Variants in ELMO1 observed in about 807,000 individuals in gnomAD.
ELMO1 encodes engulfment and cell motility 1, also known as engulfment and cell motility protein 1.
Under a neutral mutation model 98.9 loss-of-function variants are expected in ELMO1, and 26 were observed. The ratio of observed to expected loss-of-function variants is 0.26; its 90% CI spans 0.19 to 0.36. The LOEUF (loss-of-function observed/expected upper bound fraction) is 0.36. ELMO1 is among the 10% of genes least tolerant of loss of function. The pLI is 1.00. For synonymous variants in ELMO1, 346 were observed against 346.0 expected (o/e 1.00, Z 0.00); for missense variants, 627 against 935.2 (o/e 0.67, Z 4.30).
At chr7:37,022,834 T>TTGAAA (rs1794348639) in intron 15 of ELMO1, among the ~76,000 whole-genome samples, 1 of 152,176 alleles carries the variant, frequency 6.6e-6, no homozygotes, top group South Asian at 2.1e-4. Flanking sequence ...AATCTAAATG[T>TTGAAA]CCATCCAGCA....
intron 16 of ELMO1, among the ~76,000 whole-genome samples, chr7:36,998,093 T>C (rs536448075): frequency 1.8e-4 from 27 of 152,046 alleles, no homozygotes; most frequent in African/African-American, 6.3e-4. Flanking sequence ...AAAGGAATGA[T>C]TTTGGTATAT....
At chr7:37,440,341 C>G (rs932900912) in intron 1 of ELMO1, among the ~76,000 whole-genome samples, 1 of 151,574 alleles carries the variant, frequency 6.6e-6, no homozygotes, top group African/African-American at 2.4e-5. Context: ...ACTGGGGAGG[C>G]TGAGGCAGAA....
intron 13 of ELMO1, chr7:37,204,243 G>C (rs1180718278): frequency 2.2e-6 from 1 of 455,424 alleles, no homozygotes; most frequent in South Asian, 1.6e-5. Flanking sequence ...CTCACAGTGA[G>C]TGTTACAGTT....
intron 16 of ELMO1, among the ~76,000 whole-genome samples, chr7:37,008,951 C>T (rs572524561): frequency 9.2e-5 from 14 of 152,292 alleles, no homozygotes; most frequent in East Asian, 3.9e-4. Flanking sequence ...TGCGGTTGGC[C>T]GGTGGGATAA....
intron 19 of ELMO1, among the ~76,000 whole-genome samples, chr7:36,876,669 C>T (rs763991419): frequency 6.6e-5 from 10 of 152,004 alleles, no homozygotes; most frequent in Admixed American, 3.9e-4. Context: ...CCAGGGACCA[C>T]GTTTAGAGAA....
chr7:37,373,130 G>A (rs148436241), intron 1 of ELMO1, among the ~76,000 whole-genome samples: 112 of 152,310 alleles, frequency 7.4e-4, no homozygotes, highest in African/African-American at 2.3e-3. Flanking sequence ...AGCAGGAGAC[G>A]GAATCAGGTG....
chr7:37,143,237 A>G (rs968076970), intron 13 of ELMO1, among the ~76,000 whole-genome samples: 1 of 152,042 alleles, frequency 6.6e-6, no homozygotes, highest in Non-Finnish European at 1.5e-5. Context: ...GCTTGCCCAA[A>G]GTTTCAGAGC....
chr7:37,060,393 G>A (rs904015403), intron 15 of ELMO1, among the ~76,000 whole-genome samples: 1 of 152,020 alleles, frequency 6.6e-6, no homozygotes, highest in Non-Finnish European at 1.5e-5. Context: ...TATCCTGAGT[G>A]AATTAACCCA....
At chr7:37,406,195 G>C (rs1803750832) in intron 1 of ELMO1, among the ~76,000 whole-genome samples, 1 of 152,020 alleles carries the variant, frequency 6.6e-6, no homozygotes, top group Non-Finnish European at 1.5e-5. Flanking sequence ...CTTCTTGTTA[G>C]TGAAAATAAA....
intron 13 of ELMO1, among the ~76,000 whole-genome samples, chr7:37,160,192 G>A (rs1490577154): frequency 6.6e-6 from 1 of 152,156 alleles, no homozygotes. Context: ...CTGTATGCTG[G>A]TATGTAAAAG....
intron 16 of ELMO1, among the ~76,000 whole-genome samples, chr7:36,900,415 G>A (rs545189038): frequency 6.6e-6 from 1 of 152,304 alleles, no homozygotes; most frequent in East Asian, 1.9e-4. Flanking sequence ...CAATGTCAAA[G>A]GCTTTTAGGC....
chr7:37,163,230 G>C (rs181273295), intron 13 of ELMO1, among the ~76,000 whole-genome samples: 5 of 152,196 alleles, frequency 3.3e-5, no homozygotes, highest in Admixed American at 3.3e-4. Context: ...ACAAATGTTT[G>C]AGTTATTATG....
intron 6 of ELMO1, among the ~76,000 whole-genome samples, chr7:37,254,237 C>A (rs1795518915): frequency 6.6e-6 from 1 of 152,096 alleles, no homozygotes; most frequent in Non-Finnish European, 1.5e-5. Context: ...CAAAGATGAC[C>A]CTGAGAGACA....
intron 5 of ELMO1, among the ~76,000 whole-genome samples, chr7:37,266,570 G>T (rs1352911325): frequency 6.6e-6 from 1 of 151,984 alleles, no homozygotes; most frequent in African/African-American, 2.4e-5. Flanking sequence ...TTATAATAGG[G>T]TTCACAAAAA....
chr7:36,970,544 A>T (rs1405385306), intron 16 of ELMO1, among the ~76,000 whole-genome samples: 1 of 152,146 alleles, frequency 6.6e-6, no homozygotes, highest in Non-Finnish European at 1.5e-5. Flanking sequence ...GTTTTCTAAG[A>T]TCCCTGAGAG....
At chr7:37,390,787 G>A (rs1439110791) in intron 1 of ELMO1, among the ~76,000 whole-genome samples, 1 of 152,184 alleles carries the variant, frequency 6.6e-6, no homozygotes, top group Non-Finnish European at 1.5e-5. Flanking sequence ...TATCCACCAG[G>A]TGTTGAGGGC....
At chr7:37,370,222 G>A (rs1297130006) in intron 1 of ELMO1, among the ~76,000 whole-genome samples, 2 of 152,140 alleles carry the variant, frequency 1.3e-5, no homozygotes, top group Non-Finnish European at 2.9e-5. Context: ...TAACTTGTCT[G>A]CAGCTACTAT....
chr7:37,211,494 T>C lies in ELMO1; in HGVS notation c.978A>G (p.Glu326=), dbSNP rs1441856293. 1.2e-6 allele frequency: 2 copies of C among 1,613,978 alleles called. No homozygotes were observed. The highest frequency in any genetic ancestry group is 8.5e-7 in the Non-Finnish European group (1 of 1,179,928). ...QDQAQRDIIF[E]LRRIAFDAES... ...CAGCATCAAAAGCAATTCTTCGAAGTTCAAATATGATGTCCCTCTGAGCCT... is the reference window on the plus strand; with the variant it reads ...CAGCATCAAAAGCAATTCTTCGAAGCTCAAATATGATGTCCCTCTGAGCCT... Residue 326 remains glutamate, a synonymous_variant, in exon 13 of 22, where the codon GAA becomes GAG. Transcript: ENST00000310758.
intron 16 of ELMO1, among the ~76,000 whole-genome samples, chr7:36,952,417 G>T (rs1414171322): frequency 6.6e-6 from 1 of 152,178 alleles, no homozygotes. Context: ...AGCAAGCGGG[G>T]CGGGGAGACG....
Sources: allele counts gnomAD v4.1 joint callset (sites outside exome capture counted in the v4.1 genomes callset), GRCh38; gene constraint gnomAD v4.1.1; transcripts MANE v1.5; gene names NCBI Gene and HGNC (gene_info 2026-07-23, HGNC 2026-07-21).